TMEM178B: variants seen among roughly 807,000 people sequenced by gnomAD.
TMEM178B encodes the protein transmembrane protein 178B.
In TMEM178B, 5 loss-of-function variants were observed where a neutral mutation model predicts 31.0. The ratio of observed to expected loss-of-function variants is 0.16; its 90% CI spans 0.08 to 0.34. The LOEUF (loss-of-function observed/expected upper bound fraction) is 0.34. TMEM178B is among the 10% of genes least tolerant of loss of function. The probability of loss-of-function intolerance (pLI) is 1.00; values close to 1 mark genes in which losing one functional copy is unlikely to be tolerated. For missense variants in TMEM178B, 275 were observed against 400.3 expected, an observed-to-expected ratio of 0.69 and a Z score of 2.67; for synonymous variants, 164 against 164.0, an observed-to-expected ratio of 1.00 and a Z score of 0.00.
At chr7:141,254,850 A>G (rs1018039553) in intron 2 of TMEM178B, among the ~76,000 whole-genome samples, 2 of 152,220 alleles carry the variant, frequency 1.3e-5, no homozygotes, top group Admixed American at 1.3e-4. Context: ...GGTGACCCCC[A>G]TTTTAACAGC....
chr7:141,263,548 CATTA>C (rs1272075422), intron 2 of TMEM178B, among the ~76,000 whole-genome samples: 3 of 152,170 alleles, frequency 2.0e-5, no homozygotes, highest in Non-Finnish European at 4.4e-5. Flanking sequence ...TGTCTGTATA[CATTA>C]ATTCAGGGAG....
chr7:141,162,238 T>C (rs755062186), intron 1 of TMEM178B, among the ~76,000 whole-genome samples: 1 of 152,224 alleles, frequency 6.6e-6, no homozygotes, highest in African/African-American at 2.4e-5. Flanking sequence ...CTGGCTGTTG[T>C]CCTGCTCTTT....
chr7:141,411,808 T>C (rs1433328450), intron 2 of TMEM178B, among the ~76,000 whole-genome samples: 2 of 152,250 alleles, frequency 1.3e-5, no homozygotes, highest in Non-Finnish European at 2.9e-5. Context: ...GTTGACAAGC[T>C]GCTGAACCTA....
chr7:141,354,374 G>A (rs1350288925), intron 2 of TMEM178B, among the ~76,000 whole-genome samples: 1 of 152,158 alleles, frequency 6.6e-6, no homozygotes, highest in Non-Finnish European at 1.5e-5. Context: ...TAGTGCTGAG[G>A]CAGTTATGCT....
At chr7:141,247,510 C>T (rs928309967) in intron 2 of TMEM178B, among the ~76,000 whole-genome samples, 2 of 152,142 alleles carry the variant, frequency 1.3e-5, no homozygotes, top group Admixed American at 1.3e-4. Flanking sequence ...TCAGCTGCCT[C>T]CAAGCGACAT....
At chr7:141,151,449 C>A (rs1479114893) in intron 1 of TMEM178B, among the ~76,000 whole-genome samples, 2 of 152,124 alleles carry the variant, frequency 1.3e-5, no homozygotes, top group African/African-American at 4.8e-5. Flanking sequence ...GAGTCTGACT[C>A]TCAAGTTTAT....
At chr7:141,202,718 C>T (rs779681088) in intron 1 of TMEM178B, among the ~76,000 whole-genome samples, 6 of 152,154 alleles carry the variant, frequency 3.9e-5, no homozygotes, top group Admixed American at 6.5e-5. Context: ...GAGCAGAAGG[C>T]GCTAAAGAGA....
At chr7:141,425,986 A>G in intron 2 of TMEM178B, among the ~76,000 whole-genome samples, 1 of 152,166 alleles carries the variant, frequency 6.6e-6, no homozygotes, top group East Asian at 1.9e-4. Context: ...GTGGGCTATC[A>G]TATGTGCTCA....
chr7:141,143,629 A>G (rs1413236465), intron 1 of TMEM178B, among the ~76,000 whole-genome samples: 1 of 152,178 alleles, frequency 6.6e-6, no homozygotes, highest in South Asian at 2.1e-4. Context: ...GGCTTATAAT[A>G]TAGTTTAAAG....
At chr7:141,253,628 G>A (rs1376213016) in intron 2 of TMEM178B, among the ~76,000 whole-genome samples, 2 of 144,694 alleles carry the variant, frequency 1.4e-5, no homozygotes, top group Non-Finnish European at 3.0e-5. Flanking sequence ...TCAGCTCACG[G>A]CAACCTCCGC....
intron 2 of TMEM178B, among the ~76,000 whole-genome samples, chr7:141,311,400 A>G (rs929645407): frequency 5.9e-5 from 9 of 152,146 alleles, no homozygotes; most frequent in East Asian, 1.9e-4. Flanking sequence ...TTGATCATCT[A>G]TTTACATGAG....
chr7:141,285,149 TG>T (rs1259463541), intron 2 of TMEM178B, among the ~76,000 whole-genome samples: 101 of 126,146 alleles, frequency 8.0e-4, no homozygotes, highest in Non-Finnish European at 1.3e-3. Flanking sequence ...TCAGGATTCT[TG>T]TTTCTTTTTT....
At chr7:141,282,158 C>G (rs746983473) in intron 2 of TMEM178B, among the ~76,000 whole-genome samples, 29 of 152,290 alleles carry the variant, frequency 1.9e-4, no homozygotes, top group South Asian at 4.1e-4. Flanking sequence ...ACAAGAGGCA[C>G]TCTAGACCTA....
intron 1 of TMEM178B, among the ~76,000 whole-genome samples, chr7:141,078,136 T>C (rs1003523926): frequency 2.0e-5 from 3 of 152,142 alleles, no homozygotes; most frequent in Non-Finnish European, 4.4e-5. Context: ...GTCTCCCTAG[T>C]AAGTGACTGC....
chr7:141,157,268 G>A (rs1018633782), intron 1 of TMEM178B, among the ~76,000 whole-genome samples: 1 of 152,142 alleles, frequency 6.6e-6, no homozygotes, highest in Non-Finnish European at 1.5e-5. Context: ...AAAGGGTGAA[G>A]AATTGGGACA....
At chr7:141,426,537 G>C (rs898554463) in intron 2 of TMEM178B, among the ~76,000 whole-genome samples, 1 of 152,164 alleles carries the variant, frequency 6.6e-6, no homozygotes, top group Non-Finnish European at 1.5e-5. Flanking sequence ...GATGGAGCCA[G>C]TGGGGACCCA....
intron 2 of TMEM178B, among the ~76,000 whole-genome samples, chr7:141,375,474 A>G (rs1800196968): frequency 6.6e-6 from 1 of 152,220 alleles, no homozygotes; most frequent in African/African-American, 2.4e-5. Context: ...GAAACCTTTT[A>G]TGATGCTGAT....
rs532806719 is a variant in TMEM178B, at chr7:141,297,940, CCA to C, written c.496+85239_496+85240del. Among the ~76,000 whole-genome samples the C allele has an allele frequency of 2.6e-5, 4 of 152,316 alleles. No individual in the cohort carries two copies. The South Asian group carries it at 8.3e-4, about 32-fold the overall frequency. ...CCTTGAGGAATCGCCACACTGTCTT[CCA>C]CAATGGTTGAACTAGTTTACAGTCC... On this transcript the variant is annotated intron_variant, in intron 2 of 3. Coordinates refer to ENST00000565468, the MANE Select transcript of TMEM178B (RefSeq NM_001195278.2).
intron 3 of TMEM178B, among the ~76,000 whole-genome samples, chr7:141,439,280 A>G (rs1801612824): frequency 6.6e-6 from 1 of 152,196 alleles, no homozygotes; most frequent in South Asian, 2.1e-4. Context: ...GTCTGCTGTT[A>G]GAGTCAGGAT....
Sources: gnomAD v4.1 joint callset for allele counts (sites outside exome capture counted in the v4.1 genomes callset) on GRCh38, gnomAD v4.1.1 for gene constraint, MANE v1.5 for transcripts, NCBI Gene and HGNC (gene_info 2026-07-23, HGNC 2026-07-21) for gene names.